The following MMP28 variants were observed in gnomAD, a reference collection of about 807,000 sequenced individuals.
The protein encoded by MMP28 is matrix metallopeptidase 28.
In MMP28, 55 loss-of-function variants were observed where a neutral mutation model predicts 60.5. That is an observed-to-expected ratio of 0.91 (90% CI 0.73 to 1.14). The LOEUF (loss-of-function observed/expected upper bound fraction) is 1.14. Among genes scored for constraint, MMP28 ranks in the 50% most tolerant of loss-of-function variants. The pLI, the probability that MMP28 is intolerant of heterozygous loss-of-function variation, is 0.00. For synonymous variants in MMP28, 318 were observed against 312.5 expected, an observed-to-expected ratio of 1.02 and a Z score of -0.18; for missense variants, 686 against 738.3, an observed-to-expected ratio of 0.93 and a Z score of 0.82.
chr17:35,774,034 T>A (rs2086251585), intron 3 of MMP28, among the ~76,000 whole-genome samples: 1 of 152,248 alleles, frequency 6.6e-6, no homozygotes, highest in African/African-American at 2.4e-5. Context: ...CCTCAGGGAC[T>A]CTGGAGAGCT....
In MMP28 at chr17:35,767,909, C is replaced by T. The variant is rs759709663; in HGVS notation, c.1011G>A (p.Gln337=). The change falls in exon 7 of 8, where the codon CAG becomes CAA. Residue 337 remains glutamine, a synonymous_variant. Coordinates refer to ENST00000605424, the MANE Select transcript of MMP28 (RefSeq NM_024302.5). ...SFDAITVDRQ[Q]QLYIFKGSHF... is the part of the protein sequence containing the mutation. ...GGCTCCCTTTAAAAATGTACAGTTGCTGTTGCCTGTCTGCCCAGAGACAAG... is the reference window on the plus strand; with the variant it reads ...GGCTCCCTTTAAAAATGTACAGTTGTTGTTGCCTGTCTGCCCAGAGACAAG... The T allele has an allele frequency of 6.3e-7, 1 of 1,585,192 alleles. No homozygotes were observed.
rs185984340 is a variant in MMP28, at chr17:35,770,672, T to C, written c.605-360A>G. Among the ~76,000 whole-genome samples the C allele has an allele frequency of 3.8e-3, 585 of 152,170 alleles. 1 individual carries two copies. The highest frequency in any genetic ancestry group is 6.0e-3 in the Non-Finnish European group (411 of 68,022). ...CTTCCTGATCTGCAAATGGGAATGATGATGGTGAGCTTCTTCCTCACAGAG... is the reference window on the plus strand; with the variant it reads ...CTTCCTGATCTGCAAATGGGAATGACGATGGTGAGCTTCTTCCTCACAGAG... On this transcript the variant is annotated intron_variant, in intron 4 of 7. Coordinates refer to ENST00000605424, the MANE Select transcript of MMP28 (RefSeq NM_024302.5).
intron 2 of MMP28, chr17:35,757,456 CA>C (rs1555600690): frequency 6.6e-6 from 1 of 152,188 alleles, no homozygotes; most frequent in East Asian, 1.9e-4. Context: ...GGAGCTGCAG[CA>C]GCCATTTTGT....
chr17:35,780,076 A>T (rs2086454617), intron 1 of MMP28, among the ~76,000 whole-genome samples: 1 of 151,564 alleles, frequency 6.6e-6, no homozygotes, highest in African/African-American at 2.4e-5. Context: ...TATTTTATTT[A>T]TTTTTTTCTG....
intron 5 of MMP28, among the ~76,000 whole-genome samples, chr17:35,769,321 C>T (rs2086046111): frequency 6.6e-6 from 1 of 152,224 alleles, no homozygotes; most frequent in African/African-American, 2.4e-5. Context: ...GGCTACAAAG[C>T]ATGCTCATAC....
Position 35,768,288 on chromosome 17 carries a change from C to A in MMP28, c.942G>T (p.Arg314Ser), listed in dbSNP as rs570864449. ...ETWDSYSPQGRRPETQGPKYC... is the reference protein window; with the variant it reads ...ETWDSYSPQGSRPETQGPKYC... The stretch of plus-strand genomic sequence containing the variant: ...ATTTAGGGCCCTGCGTTTCAGGGCG[C>A]CTTCCTTGGGGGCTGTAGGAGTCCC... The change falls in exon 6 of 8, where the codon AGG becomes AGT. Residue 314 changes from arginine to serine, a missense_variant. By Grantham distance (110) the Arg-to-Ser change is moderately radical (BLOSUM62 -1). Transcript: ENST00000605424. The A allele has an allele frequency of 1.7e-5, 28 of 1,613,324 alleles. No homozygotes were observed. The East Asian group carries it at 6.0e-4, about 35-fold the overall frequency.
chr17:35,763,636 C>T (rs1311313560), downstream of MMP28, among the ~76,000 whole-genome samples: 1 of 151,714 alleles, frequency 6.6e-6, no homozygotes, highest in Non-Finnish European at 1.5e-5. Flanking sequence ...GTGACTCACG[C>T]CTGTAATCTC....
chr17:35,766,894 C>A lies in MMP28; in HGVS notation c.1169G>T (p.Gly390Val). 1 of 1,572,720 alleles carries A rather than the reference C, an allele frequency of 6.4e-7. No homozygotes were observed. Among genetic ancestry groups the A allele is most frequent in the Non-Finnish European group, 8.6e-7 (1 of 1,159,990 alleles). ...GCCCCGGAACCTCCAGCATCGACCC[C>A]CTGTGGGGAATTGGGAGAGCCAGGG... The part of the protein sequence containing the change: ...LNDGDFYFFK[G>V]GRCWRFRGPK... The change falls in exon 8 of 8, where the codon GGG (glycine) becomes GTG (valine). Residue 390 changes from glycine to valine, a missense_variant and splice_region_variant. Physicochemically the swap from Gly to Val is moderately radical, Grantham distance 109. Transcript: ENST00000605424. The surrounding 1 kb of genome is among the most constrained non-coding windows in gnomAD (Gnocchi z 4.3).
At chr17:35,789,359 G>A (rs140762677) in intron 1 of MMP28, among the ~76,000 whole-genome samples, 1 of 152,354 alleles carries the variant, frequency 6.6e-6, no homozygotes, top group Non-Finnish European at 1.5e-5. Flanking sequence ...TATTTTACAG[G>A]AGAGGAAACC....
At chr17:35,790,596 G>A (rs2086786035) in intron 1 of MMP28, among the ~76,000 whole-genome samples, 1 of 152,014 alleles carries the variant, frequency 6.6e-6, no homozygotes. Context: ...TGGGAGAGTG[G>A]TGTTAAAGTT....
rs370737986 is a variant in MMP28 at position 35,766,794 on chromosome 17, G to A, written c.1269C>T (p.Phe423=). The A allele has an allele frequency of 6.4e-7, 1 of 1,573,968 alleles. No homozygotes were observed. Among genetic ancestry groups the A allele is most frequent in the Non-Finnish European group, 8.6e-7 (1 of 1,160,478 alleles). ...GLPRHPDAAL[F]FPPLRRLILF... is the part of the protein sequence containing the mutation. ...GGATGAGGCGGCGCAGAGGAGGGAA[G>A]AAGAGGGCGGCGTCAGGATGGCGGG... The change falls in exon 8 of 8, where the codon TTC becomes TTT. Residue 423 remains phenylalanine, a synonymous_variant. Transcript: ENST00000605424. The surrounding 1 kb of genome is among the most constrained non-coding windows in gnomAD (Gnocchi z 4.3).
downstream of MMP28, chr17:35,761,099 ATTT>A (rs10533957): frequency 9.3e-3 from 4,667 of 501,392 alleles, no homozygotes; most frequent in South Asian, 0.014. Flanking sequence ...GCCTTCCTGA[ATTT>A]TTTTTTTTTT....
In MMP28 at chr17:35,773,297, T is replaced by G. The variant is rs1390323440; in HGVS notation, c.487A>C (p.Ser163Arg). ...GAVRAAFQLW[S>R]NVSALEFWEA... ...CAGAACTCCAGCGCTGAGACGTTGC[T>G]CCACAACTGGAAGGCGGCGCGCACG... Residue 163 changes from serine (S) to arginine (R), a missense_variant, in exon 4 of 8, where the codon AGC (serine) becomes CGC (arginine). Transcript: ENST00000605424. 7 of 1,613,738 alleles carry G rather than the reference T, an allele frequency of 4.3e-6. No individual in the cohort carries two copies. The highest frequency in any genetic ancestry group is 5.9e-6 in the Non-Finnish European group (7 of 1,179,866).
intron 7 of MMP28, 58 bp downstream of exon 7, chr17:35,767,694 G>T: frequency 6.5e-7 from 1 of 1,540,484 alleles, no homozygotes. Flanking sequence ...TTTTGACCTT[G>T]GGCAGGACAC....
chr17:35,766,872 C>T lies in MMP28; in HGVS notation c.1191G>A (p.Arg397=), dbSNP rs1236417111. The change falls in exon 8 of 8, where the codon CGG becomes CGA. Residue 397 remains arginine (R), a synonymous_variant. Transcript: ENST00000605424. The surrounding 1 kb of genome is among the most constrained non-coding windows in gnomAD (Gnocchi z 4.3). ...GGAGACCCCACACTGGCTTGGGGCC[C>T]CGGAACCTCCAGCATCGACCCCCTG... ...FFKGGRCWRF[R]GPKPVWGLPQ... 2 of 1,578,938 alleles carry T rather than the reference C, an allele frequency of 1.3e-6. No homozygotes were observed. The highest frequency in any genetic ancestry group is 2.3e-5 in the East Asian group (1 of 43,002).
In MMP28 at chr17:35,786,699, C is replaced by CAAAAAAAAAAAAAAAAAAAAAAAAAAAA. The variant is rs200165337; in HGVS notation, c.112-7377_112-7376insTTTTTTTTTTTTTTTTTTTTTTTTTTTT. ...GCCTCATAGTGAGATCCTGTCTCTA[C>CAAAAAAAAAAAAAAAAAAAAAAAAAAAA]AAAAAAAAAAAAAAAAGATGAATGA... On this transcript the variant is annotated intron_variant, in intron 1 of 7. Coordinates refer to ENST00000605424, the MANE Select transcript of MMP28 (RefSeq NM_024302.5). 1.2e-3 allele frequency among the ~76,000 whole-genome samples: 87 copies of CAAAAAAAAAAAAAAAAAAAAAAAAAAAA among 70,988 alleles called. 5 individuals carry two copies. Among genetic ancestry groups the CAAAAAAAAAAAAAAAAAAAAAAAAAAAA allele is most frequent in the African/African-American group, 3.0e-3 (47 of 15,712 alleles). The allele number at this position is 70,988 out of a possible 152,430, so 46.6% of individuals were successfully genotyped here.
rs1432348405 is a variant in MMP28, at chr17:35,789,960, C to CTA, written c.111+5306_111+5307insTA. Among the ~76,000 whole-genome samples, 5 of 149,898 alleles carry CTA rather than the reference C, an allele frequency of 3.3e-5. No homozygotes were observed. In the East Asian group the frequency reaches 9.9e-4, roughly 30 times the overall value. Reference sequence around the variant, plus strand: ...TATTTTTAGTAGAGACGGGGTTTCACAATGTTGGCCAGGCTAGTCTCGAAT... The same window carrying CTA: ...TATTTTTAGTAGAGACGGGGTTTCACTAAATGTTGGCCAGGCTAGTCTCGAAT... On this transcript the variant is annotated intron_variant, in intron 1 of 7. Coordinates refer to ENST00000605424, the MANE Select transcript of MMP28 (RefSeq NM_024302.5).
downstream of MMP28, chr17:35,764,539 A>C (rs2085896725): frequency 6.3e-7 from 1 of 1,597,580 alleles, no homozygotes; most frequent in African/African-American, 1.4e-5. Context: ...AGGAGTCTGC[A>C]CAGCCACCCA....
downstream of MMP28, among the ~76,000 whole-genome samples, chr17:35,761,727 G>A (rs2085824540): frequency 6.6e-6 from 1 of 152,178 alleles, no homozygotes; most frequent in African/African-American, 2.4e-5. Context: ...CTTGGAACAC[G>A]TCCCTCTACA....
Sources: gnomAD v4.1 joint callset for allele counts (sites outside exome capture counted in the v4.1 genomes callset) on GRCh38, gnomAD v4.1.1 for gene constraint, Gnocchi (gnomAD v3.1) non-coding constraint, MANE v1.5 for transcripts, NCBI Gene and HGNC (gene_info 2026-07-23, HGNC 2026-07-21) for gene names.